KCNMA1: variants seen among roughly 807,000 people sequenced by gnomAD.
KCNMA1 encodes Calcium-activated potassium channel subunit alpha-1.
Under a neutral mutation model 140.0 loss-of-function variants are expected in KCNMA1, and 29 were observed. That is an observed-to-expected ratio of 0.21 (90% confidence interval 0.15 to 0.28). KCNMA1 has a LOEUF of 0.28. Among genes scored for constraint, KCNMA1 ranks in the 10% least tolerant of loss-of-function variants. KCNMA1 has a pLI of 1.00. For synonymous variants in KCNMA1, 612 were observed against 611.9 expected (o/e 1.00, Z 0.00); for missense variants, 880 against 1,602.2 (o/e 0.55, Z 7.70).
At chr10:77,605,848 C>G (rs1417778028) in intron 1 of KCNMA1, among the ~76,000 whole-genome samples, 1 of 152,234 alleles carries the variant, frequency 6.6e-6, no homozygotes, top group Non-Finnish European at 1.5e-5. Flanking sequence ...CACAAATGCT[C>G]TACATCAGGG....
In KCNMA1 at chr10:77,115,020, G is replaced by A. The variant is rs1171716238; in HGVS notation, c.885-2578C>T. ...AGCTTGTTTACAGTTCTTTCCCAGT[G>A]CTCACCACATGTGCCACCATCCTAA... On this transcript the variant is annotated intron_variant, in intron 6 of 27. Coordinates refer to ENST00000286628, the MANE Select transcript of KCNMA1 (RefSeq NM_001161352.2). Among the ~76,000 whole-genome samples, 3 of 152,176 alleles carry A rather than the reference G, an allele frequency of 2.0e-5. No individual in the cohort carries two copies. In the East Asian group the frequency reaches 5.8e-4, roughly 29 times the overall value.
chr10:77,007,653 G>GTGTGTA, intron 18 of KCNMA1, among the ~76,000 whole-genome samples: 26 of 88,480 alleles, frequency 2.9e-4, no homozygotes, highest in African/African-American at 1.1e-3. Context: ...TTGTGTGTGT[G>GTGTGTA]TATATATATA....
intron 27 of KCNMA1, chr10:76,888,052 G>A (rs1589571639): frequency 6.0e-6 from 1 of 167,916 alleles, no homozygotes; most frequent in Admixed American, 5.5e-5. Flanking sequence ...GCACTACTTT[G>A]TTGTTCTTCA....
chr10:77,050,679 T>G (rs2095329055), intron 14 of KCNMA1, among the ~76,000 whole-genome samples: 2 of 152,198 alleles, frequency 1.3e-5, no homozygotes, highest in South Asian at 4.1e-4. Flanking sequence ...ATGACACTGA[T>G]GCTTCCCCTA....
chr10:77,152,282 GTGTGT>G (rs2098428395), intron 5 of KCNMA1, among the ~76,000 whole-genome samples: 8 of 148,836 alleles, frequency 5.4e-5, no homozygotes, highest in Non-Finnish European at 7.4e-5. Context: ...TTGCTTTTGT[GTGTGT>G]GTGTGTGTGT....
At chr10:77,153,586 G>T (rs2154062728) in intron 5 of KCNMA1, among the ~76,000 whole-genome samples, 1 of 152,196 alleles carries the variant, frequency 6.6e-6, no homozygotes, top group African/African-American at 2.4e-5. Context: ...TGCCCAGGCT[G>T]GTCTCAAACT....
intron 1 of KCNMA1, among the ~76,000 whole-genome samples, chr10:77,481,161 G>A (rs559199167): frequency 4.7e-5 from 7 of 150,412 alleles, no homozygotes; most frequent in South Asian, 2.1e-4. Flanking sequence ...ATACACACGC[G>A]TGCACACACA....
chr10:77,400,171 C>T (rs929376095), intron 2 of KCNMA1, among the ~76,000 whole-genome samples: 2 of 152,214 alleles, frequency 1.3e-5, no homozygotes, highest in Non-Finnish European at 2.9e-5. Context: ...TTCTCTTGCC[C>T]GCCATTACTT....
chr10:77,129,421 AT>A (rs1271579898), intron 5 of KCNMA1, among the ~76,000 whole-genome samples: 11 of 152,124 alleles, frequency 7.2e-5, no homozygotes, highest in Non-Finnish European at 5.9e-5. Context: ...AGAATGCTTT[AT>A]TTTTTCTCCA....
chr10:77,255,277 G>T (rs779413031), intron 2 of KCNMA1, among the ~76,000 whole-genome samples: 30 of 152,128 alleles, frequency 2.0e-4, no homozygotes, highest in Non-Finnish European at 3.4e-4. Context: ...TTGCACAAAA[G>T]AATGCCAGGA....
At chr10:77,170,490 GAA>G (rs2098692789) in intron 5 of KCNMA1, among the ~76,000 whole-genome samples, 1 of 62,044 alleles carries the variant, frequency 1.6e-5, no homozygotes, top group East Asian at 5.4e-4. Context: ...ATCCCTGGGA[GAA>G]GGTCAGAGGT....
intron 1 of KCNMA1, among the ~76,000 whole-genome samples, chr10:77,455,598 A>G (rs1358120700): frequency 6.6e-6 from 1 of 152,226 alleles, no homozygotes; most frequent in African/African-American, 2.4e-5. Context: ...GCTAGTGTCA[A>G]GAAAGGCTGA....
At chr10:77,185,475 A>G (rs763603277) in intron 3 of KCNMA1, among the ~76,000 whole-genome samples, 11 of 152,122 alleles carry the variant, frequency 7.2e-5, no homozygotes, top group Non-Finnish European at 1.3e-4. Flanking sequence ...ATCCTGGGTG[A>G]GGTTCTGGCT....
intron 1 of KCNMA1, among the ~76,000 whole-genome samples, chr10:77,432,850 G>A (rs1434223306): frequency 6.6e-6 from 1 of 152,162 alleles, no homozygotes; most frequent in African/African-American, 2.4e-5. Context: ...GAGACTTACA[G>A]AGGGGGAAGG....
chr10:77,518,895 G>A (rs1050140465), intron 1 of KCNMA1, among the ~76,000 whole-genome samples: 28 of 152,168 alleles, frequency 1.8e-4, no homozygotes, highest in African/African-American at 6.3e-4. Flanking sequence ...ATGAATGCAC[G>A]CTTGGAGAAG....
intron 18 of KCNMA1, among the ~76,000 whole-genome samples, chr10:77,009,313 C>T (rs1294845390): frequency 6.6e-6 from 1 of 152,176 alleles, no homozygotes; most frequent in Non-Finnish European, 1.5e-5. Flanking sequence ...GCCTCTCTCT[C>T]CAGGATGAAG....
At chr10:77,351,633 G>T (rs11002133) in intron 2 of KCNMA1, among the ~76,000 whole-genome samples, 1 of 152,086 alleles carries the variant, frequency 6.6e-6, no homozygotes, top group East Asian at 1.9e-4. Flanking sequence ...AGGGGGAAAA[G>T]AATTCAGAAC....
At chr10:77,360,086 G>C (rs118093470) in intron 2 of KCNMA1, among the ~76,000 whole-genome samples, 1,946 of 152,324 alleles carry the variant, frequency 0.013, 20 homozygotes, top group Non-Finnish European at 0.02. Flanking sequence ...AATTACACTA[G>C]TGATAGTTTA....
At chr10:77,006,111 C>A (rs2088481246) in intron 18 of KCNMA1, among the ~76,000 whole-genome samples, 2 of 152,174 alleles carry the variant, frequency 1.3e-5, no homozygotes, top group South Asian at 4.1e-4. Flanking sequence ...CCATCTGCCA[C>A]CTGCATCAGC....
Sources: allele counts gnomAD v4.1 joint callset (sites outside exome capture counted in the v4.1 genomes callset), GRCh38; gene constraint gnomAD v4.1.1; transcripts MANE v1.5; gene names NCBI Gene and HGNC (gene_info 2026-07-23, HGNC 2026-07-21).